Variants in TOX observed in about 807,000 individuals in gnomAD.
TOX encodes thymocyte selection associated high mobility group box.
A neutral mutation model predicts 53.7 loss-of-function variants in TOX; 11 were observed. That is an observed-to-expected ratio of 0.20 (90% CI 0.13 to 0.34). The LOEUF is 0.34. Ranked by LOEUF, TOX falls within the 10% of genes least tolerant of loss-of-function variation. The pLI, the probability that TOX is intolerant of heterozygous loss-of-function variation, is 1.00. For synonymous variants in TOX, 225 were observed against 245.3 expected (o/e 0.92, Z 0.77); for missense variants, 570 against 664.6 (o/e 0.86, Z 1.56).
chr8:58,847,395 T>C (rs1810735662), intron 4 of TOX, among the ~76,000 whole-genome samples: 2 of 151,916 alleles, frequency 1.3e-5, no homozygotes, highest in Admixed American at 6.6e-5. Flanking sequence ...AAACCAAAAA[T>C]ATAAAATATT....
intron 4 of TOX, among the ~76,000 whole-genome samples, chr8:58,839,755 A>G (rs891951793): frequency 1.1e-4 from 16 of 152,228 alleles, no homozygotes; most frequent in Non-Finnish European, 2.2e-4. Context: ...CTCTCTGCAG[A>G]TATAATGTAA....
At position 58,868,220 on chromosome 8, in the gene TOX, C is replaced by G. The variant is rs151252376; in HGVS notation, c.412-16415G>C. 1.4e-3 allele frequency among the ~76,000 whole-genome samples: 213 copies of G among 152,276 alleles called. 3 individuals carry two copies. Among genetic ancestry groups the G allele is most frequent in the African/African-American group, 4.9e-3 (202 of 41,556 alleles). On this transcript the variant is annotated intron_variant, in intron 3 of 8. Transcript: ENST00000361421. ...TTCACTTTCCACCATGATTGTGAGG[C>G]CTCCCCTCCCATGTGGAACTGTGAG...
At chr8:58,812,343 C>T (rs890605481) in intron 7 of TOX, among the ~76,000 whole-genome samples, 1 of 152,260 alleles carries the variant, frequency 6.6e-6, no homozygotes, top group East Asian at 1.9e-4. Context: ...TGACCTTGCC[C>T]CTACCTCTCT....
chr8:59,099,641 G>C (rs1249978469), intron 1 of TOX, among the ~76,000 whole-genome samples: 3 of 152,160 alleles, frequency 2.0e-5, no homozygotes, highest in Admixed American at 2.0e-4. Flanking sequence ...CAAAGGAGAA[G>C]CAATCACTCC....
intron 1 of TOX, 148 bp from the exon 2 acceptor site, chr8:58,960,156 G>A: frequency 1.2e-6 from 1 of 800,986 alleles, no homozygotes; most frequent in South Asian, 1.7e-5. Flanking sequence ...ATCTGTCACA[G>A]CAAGCGAGCC....
chr8:59,102,517 T>C lies in TOX; in HGVS notation c.102+16369A>G, dbSNP rs139604273. 1.5e-4 allele frequency among the ~76,000 whole-genome samples: 23 copies of C among 152,178 alleles called. No individual in the cohort carries two copies. The East Asian group carries it at 1.9e-3, about 13-fold the overall frequency. On this transcript the variant is annotated intron_variant, in intron 1 of 8. Coordinates refer to ENST00000361421, the MANE Select transcript of TOX (RefSeq NM_014729.3). ...ATACCAGGATTACAGGTGTGAGCCA[T>C]TGTGCCCAGTCGAAACTCCCGTTTT...
intron 1 of TOX, among the ~76,000 whole-genome samples, chr8:59,043,414 ATGTT>A (rs535008267): frequency 6.6e-6 from 1 of 151,466 alleles, no homozygotes; most frequent in Non-Finnish European, 1.5e-5. Flanking sequence ...TATAATTAAT[ATGTT>A]TGAATATTTT....
intron 3 of TOX, among the ~76,000 whole-genome samples, chr8:58,886,556 T>C (rs910599496): frequency 1.9e-4 from 29 of 152,208 alleles, no homozygotes; most frequent in African/African-American, 7.0e-4. Flanking sequence ...CAGATAAAAA[T>C]GCACATATTT....
At chr8:59,040,596 C>T (rs1210767584) in intron 1 of TOX, among the ~76,000 whole-genome samples, 1 of 152,226 alleles carries the variant, frequency 6.6e-6, no homozygotes, top group Non-Finnish European at 1.5e-5. Context: ...CCAAAACCTG[C>T]TCACAGAGGG....
intron 3 of TOX, among the ~76,000 whole-genome samples, chr8:58,923,603 C>T (rs907810386): frequency 6.6e-6 from 1 of 152,138 alleles, no homozygotes; most frequent in Non-Finnish European, 1.5e-5. Flanking sequence ...GTAGCTTTTC[C>T]TGATTCCTTA....
chr8:58,993,213 A>G (rs1163480359), intron 1 of TOX, among the ~76,000 whole-genome samples: 5 of 152,184 alleles, frequency 3.3e-5, no homozygotes, highest in African/African-American at 1.2e-4. Context: ...TACATAAGAG[A>G]GGTCTAAAGT....
Position 58,869,733 on chromosome 8 carries a change from C to G in TOX, c.412-17928G>C, listed in dbSNP as rs555935834. On this transcript the variant is annotated intron_variant, in intron 3 of 8. Coordinates refer to ENST00000361421, the MANE Select transcript of TOX (RefSeq NM_014729.3). ...ACATTAGATATACAAGGTTAAAGTTCAACATTAGAAAATCTAACAATGTAT... is the reference window on the plus strand; with the variant it reads ...ACATTAGATATACAAGGTTAAAGTTGAACATTAGAAAATCTAACAATGTAT... Among the ~76,000 whole-genome samples the G allele has an allele frequency of 5.2e-4, 79 of 152,048 alleles. 1 individual carries two copies. In the South Asian group the frequency reaches 0.016, roughly 30 times the overall value.
At chr8:59,094,845 A>G (rs1372434642) in intron 1 of TOX, among the ~76,000 whole-genome samples, 1 of 152,176 alleles carries the variant, frequency 6.6e-6, no homozygotes, top group African/African-American at 2.4e-5. Context: ...AGAAACACAT[A>G]TTTTAGTCAC....
intron 3 of TOX, among the ~76,000 whole-genome samples, chr8:58,903,025 C>A (rs922100910): frequency 6.6e-6 from 1 of 152,108 alleles, no homozygotes; most frequent in Non-Finnish European, 1.5e-5. Context: ...AATAGTTGTC[C>A]TAAATAAAAA....
chr8:58,937,029 C>A (rs1326092470), intron 3 of TOX, among the ~76,000 whole-genome samples: 1 of 152,192 alleles, frequency 6.6e-6, no homozygotes, highest in Admixed American at 6.5e-5. Flanking sequence ...CTGGGAAGTG[C>A]TGAACCTTAC....
chr8:59,053,587 T>C (rs2129421440), intron 1 of TOX, among the ~76,000 whole-genome samples: 1 of 152,346 alleles, frequency 6.6e-6, no homozygotes, highest in East Asian at 1.9e-4. Context: ...TTATACCATT[T>C]TTCTTTAAGT....
intron 1 of TOX, among the ~76,000 whole-genome samples, chr8:59,092,377 A>G (rs1804640034): frequency 7.3e-6 from 1 of 136,902 alleles, no homozygotes; most frequent in Non-Finnish European, 1.5e-5. Context: ...AATAAAAAAT[A>G]AAAAGCTCTT....
chr8:58,864,790 G>A (rs567694648), intron 3 of TOX, among the ~76,000 whole-genome samples: 18 of 152,244 alleles, frequency 1.2e-4, no homozygotes, highest in Admixed American at 3.9e-4. Flanking sequence ...GGGCCCAGAC[G>A]GGGATCATGG....
At chr8:58,999,930 A>C (rs1422480628) in intron 1 of TOX, among the ~76,000 whole-genome samples, 3 of 152,232 alleles carry the variant, frequency 2.0e-5, no homozygotes, top group Non-Finnish European at 4.4e-5. Context: ...TTAAATTCAG[A>C]TCTAAAACTT....
Sources: allele counts gnomAD v4.1 joint callset (sites outside exome capture counted in the v4.1 genomes callset), GRCh38; gene constraint gnomAD v4.1.1; transcripts MANE v1.5; gene names NCBI Gene and HGNC (gene_info 2026-07-23, HGNC 2026-07-21).